The following RHOG variants were observed in gnomAD, a reference collection of about 807,000 sequenced individuals.
RHOG encodes ras homolog family member G.
Under a neutral mutation model 12.3 loss-of-function variants are expected in RHOG, and 1 was observed. That is an observed-to-expected ratio of 0.08 (90% CI 0.03 to 0.39). The LOEUF is 0.39. Among genes scored for constraint, RHOG ranks in the 10% least tolerant of loss-of-function variants. The pLI, the probability that RHOG is intolerant of heterozygous loss-of-function variation, is 0.99. For missense variants in RHOG, 114 were observed against 266.2 expected (o/e 0.43, Z 3.98); for synonymous variants, 129 against 116.0 (o/e 1.11, Z -0.72).
chr11:3,836,356 C>CA (rs2090155849), intron 1 of RHOG, among the ~76,000 whole-genome samples: 3 of 41,598 alleles, frequency 7.2e-5, no homozygotes, highest in Admixed American at 2.4e-4. Context: ...GACTCCATCT[C>CA]CAAAAAAAAA....
intron 1 of RHOG, among the ~76,000 whole-genome samples, chr11:3,834,178 C>T (rs1167757158): frequency 1.3e-5 from 2 of 152,166 alleles, no homozygotes; most frequent in Non-Finnish European, 2.9e-5. Context: ...CTGCCTTGGC[C>T]TCTGAAAGTG....
At position 3,828,040 on chromosome 11, in the gene RHOG, G is replaced by T. The variant is rs763579274; in HGVS notation, c.99C>A (p.Ile33=). The change falls in exon 2 of 2, where the codon ATC becomes ATA. Residue 33 remains isoleucine (I), a synonymous_variant. Coordinates refer to ENST00000351018, the MANE Select transcript of RHOG (RefSeq NM_001665.4). ...YTTNAFPKEY[I]PTVFDNYSAQ... is the part of the protein sequence containing the mutation. The stretch of plus-strand genomic sequence containing the variant: ...CGCTGTAATTGTCGAACACGGTGGG[G>T]ATGTACTCTTTGGGGAAAGCGTTAG... 5 of 1,614,150 alleles carry T rather than the reference G, an allele frequency of 3.1e-6. No homozygotes were observed. In the African/African-American group the frequency reaches 6.7e-5, roughly 22 times the overall value.
intron 1 of RHOG, among the ~76,000 whole-genome samples, chr11:3,836,171 G>C (rs1475135507): frequency 6.6e-6 from 1 of 151,694 alleles, no homozygotes; most frequent in East Asian, 1.9e-4. Flanking sequence ...TGGCCAACAT[G>C]GTGAAACCCC....
chr11:3,827,751 T>C lies in RHOG; in HGVS notation c.388A>G (p.Lys130Glu). The change falls in exon 2 of 2, where the codon AAG becomes GAG. Residue 130 changes from lysine to glutamate, a missense_variant. Physicochemically the swap from Lys to Glu is moderately conservative, Grantham distance 56 (BLOSUM62 1). This residue lies in a region of RHOG where 61 missense variants were observed against 101.4 expected (regional missense o/e 0.60). Transcript: ENST00000351018. This position sits in a 1 kb window ranked among gnomAD's most constrained non-coding sequence, Gnocchi z 7.3. ...RAQPDTLRRL[K>E]EQGQAPITPQ... ...GTGATGGGCGCCTGGCCCTGCTCCT[T>C]GAGGCGCCGTAGGGTGTCAGGCTGG... The C allele has an allele frequency of 6.2e-7, 1 of 1,613,974 alleles. No individual in the cohort carries two copies. The highest frequency in any genetic ancestry group is 8.5e-7 in the Non-Finnish European group (1 of 1,179,954).
intron 1 of RHOG, among the ~76,000 whole-genome samples, chr11:3,836,844 G>A (rs12363789): frequency 0.55 from 80,442 of 145,648 alleles, 23,432 homozygotes; most frequent in Non-Finnish European, 0.65. Flanking sequence ...TGGAGGTTGT[G>A]GTGAGCTGAG....
rs1165603363 is a variant in RHOG, at chr11:3,828,130, G to A, written c.9C>T (p.Ser3=). Residue 3 remains serine, a synonymous_variant, in exon 2 of 2, where the codon AGC becomes AGT. Transcript: ENST00000351018. ...CATCACCCACCACCACGCACTTGAT[G>A]CTCTGCATCGTGGGTGCAGTTGCTG... MQ[S]IKCVVVGDGA... 5.0e-6 allele frequency: 8 copies of A among 1,612,430 alleles called. No individual in the cohort carries two copies. The highest frequency in any genetic ancestry group is 6.8e-6 in the Non-Finnish European group (8 of 1,178,676).
rs552620012 is a variant in RHOG at position 3,836,945 on chromosome 11, A to T, written c.-69+3949T>A. ...AAAAAAAAAAAAGCTGAGCCTCAGG[A>T]CCAGGACAGCTCTGGCTGGGGGAGC... is the stretch of plus-strand genomic sequence containing the variant. On this transcript the variant is annotated intron_variant, in intron 1 of 1. Transcript: ENST00000351018. Among the ~76,000 whole-genome samples, 13 of 143,934 alleles carry T rather than the reference A, an allele frequency of 9.0e-5. 1 individual carries two copies. In the South Asian group the frequency reaches 2.9e-3, roughly 32 times the overall value. 94.4% of individuals were successfully genotyped at this position (143,934 alleles called of 152,430 possible). A position where few individuals can be genotyped will look rare whatever the true frequency, so the allele number is the denominator to read the frequency against.
At chr11:3,834,915 A>G (rs1422733590) in intron 1 of RHOG, among the ~76,000 whole-genome samples, 2 of 152,068 alleles carry the variant, frequency 1.3e-5, no homozygotes, top group South Asian at 2.1e-4. Context: ...TATAACTACA[A>G]TCCATCTCTG....
intron 1 of RHOG, among the ~76,000 whole-genome samples, chr11:3,834,904 T>C (rs939057198): frequency 6.6e-6 from 1 of 152,180 alleles, no homozygotes; most frequent in African/African-American, 2.4e-5. Context: ...CTGAACCTCA[T>C]TATAACTACA....
intron 1 of RHOG, among the ~76,000 whole-genome samples, chr11:3,832,873 T>C (rs139795653): frequency 0.016 from 2,363 of 152,208 alleles, 58 homozygotes; most frequent in African/African-American, 0.052. Context: ...CAATGACTTA[T>C]TCACTAAGTG....
chr11:3,828,160 G>A lies in RHOG; in HGVS notation c.-22C>T. The A allele has an allele frequency of 1.3e-6, 2 of 1,599,062 alleles. No individual in the cohort carries two copies. The highest frequency in any genetic ancestry group is 1.1e-5 in the South Asian group (1 of 90,118). On this transcript the variant is annotated 5_prime_UTR_variant, in exon 2 of 2. Transcript: ENST00000351018. The stretch of plus-strand genomic sequence containing the variant: ...GCATCGTGGGTGCAGTTGCTGTAGT[G>A]GAGGCAGTGCCTCCTCTCTCTTCTG...
chr11:3,828,485 T>C (rs1484326299), intron 1 of RHOG, among the ~76,000 whole-genome samples: 4 of 152,208 alleles, frequency 2.6e-5, no homozygotes, highest in South Asian at 2.1e-4. Flanking sequence ...CCTGAAAAAA[T>C]TGCTTAACCT....
At position 3,828,028 on chromosome 11, in the gene RHOG, G is replaced by A. The variant is rs372569078; in HGVS notation, c.111C>T (p.Phe37=). 283 of 1,614,146 alleles carry A rather than the reference G, an allele frequency of 1.8e-4. No individual in the cohort carries two copies. Among genetic ancestry groups the A allele is most frequent in the Non-Finnish European group, 2.2e-4 (265 of 1,180,056 alleles). Residue 37 remains phenylalanine, a synonymous_variant, in exon 2 of 2, where the codon TTC becomes TTT. Transcript: ENST00000351018. The part of the protein sequence containing the change: ...AFPKEYIPTV[F]DNYSAQSAVD... ...CTGCGCTCTGCGCGCTGTAATTGTC[G>A]AACACGGTGGGGATGTACTCTTTGG...
intron 1 of RHOG, among the ~76,000 whole-genome samples, chr11:3,832,020 C>G (rs7342236): frequency 0.077 from 11,711 of 151,936 alleles, 1,330 homozygotes; most frequent in African/African-American, 0.25. Context: ...GGGAAGGGAA[C>G]GAGGACCGAC....
At chr11:3,832,512 C>G (rs1482688005) in intron 1 of RHOG, among the ~76,000 whole-genome samples, 1 of 152,158 alleles carries the variant, frequency 6.6e-6, no homozygotes, top group Non-Finnish European at 1.5e-5. Context: ...AGGGCAGCAT[C>G]AAGGAACCTG....
intron 1 of RHOG, among the ~76,000 whole-genome samples, chr11:3,829,847 A>G (rs776782765): frequency 6.6e-6 from 1 of 151,524 alleles, no homozygotes; most frequent in Admixed American, 6.6e-5. Context: ...CCCGGGTTCA[A>G]GCGATTCTCC....
intron 1 of RHOG, among the ~76,000 whole-genome samples, chr11:3,828,664 C>T (rs1445575493): frequency 2.1e-5 from 3 of 140,076 alleles, no homozygotes; most frequent in Admixed American, 1.5e-4. Context: ...CACTCTGTCA[C>T]CCAGGCTGGA....
intron 1 of RHOG, among the ~76,000 whole-genome samples, chr11:3,838,326 G>A (rs1274285481): frequency 6.6e-6 from 1 of 152,176 alleles, no homozygotes; most frequent in African/African-American, 2.4e-5. Flanking sequence ...TTCCAATGGG[G>A]CCAGATCTCA....
chr11:3,828,824 G>T (rs1009531192), intron 1 of RHOG, among the ~76,000 whole-genome samples: 1 of 151,524 alleles, frequency 6.6e-6, no homozygotes, highest in Non-Finnish European at 1.5e-5. Flanking sequence ...GTTTCACCGT[G>T]TTGGCCAGGA....
Sources: gnomAD v4.1 joint callset for allele counts (sites outside exome capture counted in the v4.1 genomes callset) on GRCh38, gnomAD v4.1.1 for gene constraint, gnomAD v4.1.1 regional missense constraint, Gnocchi (gnomAD v3.1) non-coding constraint, MANE v1.5 for transcripts, NCBI Gene and HGNC (gene_info 2026-07-23, HGNC 2026-07-21) for gene names.